FAM107B: variants seen among roughly 807,000 people sequenced by gnomAD.
FAM107B encodes the protein protein FAM107B.
In FAM107B, 21 loss-of-function variants were observed where a neutral mutation model predicts 31.5. The ratio of observed to expected loss-of-function variants is 0.67; its 90% CI spans 0.47 to 0.96. The LOEUF (loss-of-function observed/expected upper bound fraction) is 0.96, where lower values mean the gene tolerates loss of function less well. Among genes scored for constraint, FAM107B ranks in the 40% least tolerant of loss-of-function variants. The pLI is 0.00. For synonymous variants in FAM107B, 157 were observed against 141.5 expected (o/e 1.11, Z -0.78); for missense variants, 452 against 377.1 (o/e 1.20, Z -1.64).
chr10:14,715,308 A>G (rs926710228), intron 1 of FAM107B, among the ~76,000 whole-genome samples: 10 of 152,218 alleles, frequency 6.6e-5, no homozygotes, highest in African/African-American at 2.4e-4. Flanking sequence ...TAAAAATACG[A>G]TCACTGAAAT....
intron 1 of FAM107B, among the ~76,000 whole-genome samples, chr10:14,670,560 C>T (rs1854515958): frequency 6.6e-6 from 1 of 152,090 alleles, no homozygotes; most frequent in African/African-American, 2.4e-5. Context: ...CAAAATAATC[C>T]AAATAAAGTC....
chr10:14,555,544 T>A (rs547065298), intron 2 of FAM107B, among the ~76,000 whole-genome samples: 1 of 152,342 alleles, frequency 6.6e-6, no homozygotes, highest in Admixed American at 6.5e-5. Flanking sequence ...TTAAATAAGT[T>A]GTTCCCACGC....
intron 2 of FAM107B, among the ~76,000 whole-genome samples, chr10:14,551,159 C>A (rs1378208084): frequency 6.6e-6 from 1 of 152,150 alleles, no homozygotes; most frequent in African/African-American, 2.4e-5. Context: ...AAAAGTCATT[C>A]TCTACATTTT....
At chr10:14,773,650 C>T (rs1415868965) in intron 1 of FAM107B, among the ~76,000 whole-genome samples, 5 of 118,216 alleles carry the variant, frequency 4.2e-5, no homozygotes, top group African/African-American at 2.5e-4. Flanking sequence ...GCAGTGGCAC[C>T]ATTTTTTTTA....
chr10:14,527,868 G>A (rs1003957423), intron 3 of FAM107B: 13 of 243,760 alleles, frequency 5.3e-5, no homozygotes, highest in Non-Finnish European at 1.1e-4. Flanking sequence ...AATAAAAGAT[G>A]AATAAAAGGA....
intron 2 of FAM107B, among the ~76,000 whole-genome samples, chr10:14,583,914 C>G (rs770981893): frequency 1.2e-4 from 19 of 152,200 alleles, no homozygotes; most frequent in Non-Finnish European, 1.9e-4. Context: ...CCGAAAGGGA[C>G]TCGTGGTCAC....
At position 14,530,420 on chromosome 10, in the gene FAM107B, G is replaced by T. The variant is rs781299923; in HGVS notation, c.565C>A (p.Leu189Ile). The change falls in exon 3 of 5, where the codon CTC becomes ATC. Residue 189 changes from leucine to isoleucine, a missense_variant. By Grantham distance (5) the Leu-to-Ile change is conservative. Coordinates refer to ENST00000181796, the MANE Select transcript of FAM107B (RefSeq NM_031453.4). ...TTGATCAGTTTCTGAGGCCTAATGA[G>T]TTCAGGATTGTCATCTTCTATGTAG... is the stretch of plus-strand genomic sequence containing the variant. ...PDYIEDDNPE[L>I]IRPQKLINPV... 1.2e-6 allele frequency: 2 copies of T among 1,614,076 alleles called. No individual in the cohort carries two copies. The highest frequency in any genetic ancestry group is 1.7e-6 in the Non-Finnish European group (2 of 1,179,998).
At chr10:14,612,344 G>A (rs1311208923) in intron 2 of FAM107B, 1 of 152,194 alleles carries the variant, frequency 6.6e-6, no homozygotes, top group Admixed American at 6.5e-5. Flanking sequence ...ACTTTATAAG[G>A]AAAAAGAGAG....
rs78260916 is a variant in FAM107B at position 14,730,740 on chromosome 10, T to C, written c.411+43513A>G. On this transcript the variant is annotated intron_variant, in intron 1 of 4. Transcript: ENST00000181796. Reference sequence around the variant, plus strand: ...TAGACCAGGCGAGAAATTATGCGACTTAGATCTATGGTGACCAGCCTCCCC... The same window carrying C: ...TAGACCAGGCGAGAAATTATGCGACCTAGATCTATGGTGACCAGCCTCCCC... Among the ~76,000 whole-genome samples, 1,067 of 152,328 alleles carry C rather than the reference T, an allele frequency of 7.0e-3. 47 individuals are homozygous for C. The East Asian group carries it at 0.13, about 18-fold the overall frequency.
intron 2 of FAM107B, among the ~76,000 whole-genome samples, chr10:14,591,790 C>G (rs558706028): frequency 6.6e-6 from 1 of 152,172 alleles, no homozygotes; most frequent in Non-Finnish European, 1.5e-5. Flanking sequence ...AAACACTGCA[C>G]ATGAATCTGA....
At chr10:14,550,076 G>A (rs899862532) in intron 2 of FAM107B, among the ~76,000 whole-genome samples, 2 of 152,106 alleles carry the variant, frequency 1.3e-5, no homozygotes, top group Non-Finnish European at 2.9e-5. Flanking sequence ...GTTAAAAGAG[G>A]CCTTCGAGAA....
intron 2 of FAM107B, among the ~76,000 whole-genome samples, chr10:14,619,708 TAAAAAAAAAAAAA>T (rs3995551): frequency 9.6e-6 from 1 of 104,632 alleles, no homozygotes; most frequent in Non-Finnish European, 1.9e-5. Context: ...GTGTCCTAGC[TAAAAAAAAAAAAA>T]AAAAAAAAAA....
intron 1 of FAM107B, among the ~76,000 whole-genome samples, chr10:14,758,873 GAAAAAA>G (rs57967855): frequency 1.8e-4 from 7 of 38,968 alleles, no homozygotes; most frequent in Non-Finnish European, 2.9e-4. Flanking sequence ...GACCCTCTCA[GAAAAAA>G]AAAAAAAAAA....
intron 2 of FAM107B, among the ~76,000 whole-genome samples, chr10:14,667,348 A>T (rs1854427983): frequency 6.6e-6 from 1 of 152,188 alleles, no homozygotes; most frequent in Admixed American, 6.5e-5. Context: ...TGAATTTGAA[A>T]TTTTTTCATC....
At chr10:14,523,147 G>A (rs1845848086) in intron 3 of FAM107B, among the ~76,000 whole-genome samples, 1 of 152,194 alleles carries the variant, frequency 6.6e-6, no homozygotes, top group Admixed American at 6.5e-5. Flanking sequence ...TTAACTGTTA[G>A]CTTAAGATTT....
chr10:14,577,889 T>C (rs112907701), intron 2 of FAM107B, among the ~76,000 whole-genome samples: 3,316 of 152,270 alleles, frequency 0.022, 61 homozygotes, highest in East Asian at 0.09. Context: ...TTTCTGTAAC[T>C]GCAGCCAGCC....
intron 1 of FAM107B, among the ~76,000 whole-genome samples, chr10:14,742,214 T>C (rs1237343223): frequency 6.6e-6 from 1 of 151,870 alleles, no homozygotes; most frequent in Admixed American, 6.6e-5. Context: ...CCTCCTGGGC[T>C]CAAGCAGTCC....
At chr10:14,723,618 AG>A in intron 1 of FAM107B, 1 of 700,914 alleles carries the variant, frequency 1.4e-6, no homozygotes, top group Non-Finnish European at 2.6e-6. Flanking sequence ...TGTGACACAG[AG>A]CAATGATGGG....
At position 14,757,319 on chromosome 10, in the gene FAM107B, A is replaced by C. The variant is rs1299548921; in HGVS notation, c.411+16934T>G. Among the ~76,000 whole-genome samples, 29 of 113,222 alleles carry C rather than the reference A, an allele frequency of 2.6e-4. 1 individual carries two copies. The highest frequency in any genetic ancestry group is 7.2e-4 in the Admixed American group (8 of 11,132). The allele number at this position is 113,222 out of a possible 152,430, so 74.3% of individuals were successfully genotyped here. ...TCACAATAAATATTTTTGCTGACTG[A>C]AAAAAAAAAAAAAAGACTGCAGTGT... On this transcript the variant is annotated intron_variant, in intron 1 of 4. Coordinates refer to ENST00000181796, the MANE Select transcript of FAM107B (RefSeq NM_031453.4).
Sources: gnomAD v4.1 joint callset for allele counts (sites outside exome capture counted in the v4.1 genomes callset) on GRCh38, gnomAD v4.1.1 for gene constraint, MANE v1.5 for transcripts, NCBI Gene and HGNC (gene_info 2026-07-23, HGNC 2026-07-21) for gene names.